CATSPERB: variants seen among roughly 807,000 people sequenced by gnomAD.
CATSPERB encodes catsper channel auxiliary subunit beta.
CATSPERB carries 93 observed loss-of-function variants against 128.3 expected under a neutral mutation model. The observed-to-expected ratio is 0.72, with a 90% CI of 0.61 to 0.86. CATSPERB has a LOEUF of 0.86. CATSPERB is among the 40% of genes least tolerant of loss of function. CATSPERB has a pLI of 0.00. For synonymous variants in CATSPERB, 381 were observed against 448.8 expected, an observed-to-expected ratio of 0.85 and a Z score of 1.91; for missense variants, 1,153 against 1,329.5, an observed-to-expected ratio of 0.87 and a Z score of 2.06.
chr14:91,641,250 A>T (rs1223247572), intron 15 of CATSPERB, among the ~76,000 whole-genome samples: 1 of 149,966 alleles, frequency 6.7e-6, no homozygotes, highest in Non-Finnish European at 1.5e-5. Context: ...ATTAGATCCC[A>T]TTTGTCAATT....
At chr14:91,650,278 C>G (rs1894681098) in intron 15 of CATSPERB, among the ~76,000 whole-genome samples, 1 of 147,248 alleles carries the variant, frequency 6.8e-6, no homozygotes. Context: ...TTTATTGCTG[C>G]TTAAAATGCT....
intron 5 of CATSPERB, among the ~76,000 whole-genome samples, chr14:91,716,695 A>G (rs1895945599): frequency 6.6e-6 from 1 of 151,146 alleles, no homozygotes; most frequent in Admixed American, 6.6e-5. Flanking sequence ...ACTTATATGC[A>G]TACATATTTA....
chr14:91,624,075 T>C lies in CATSPERB; in HGVS notation c.1930+745A>G, dbSNP rs568249752. On this transcript the variant is annotated intron_variant, in intron 18 of 26. Transcript: ENST00000256343. ...AGAAAAAAAAATCTTGGGCAGAGTG[T>C]GGTGGCTAATGCCTATAATCCCAGC... Among the ~76,000 whole-genome samples the C allele has an allele frequency of 3.3e-5, 5 of 152,272 alleles. No individual in the cohort carries two copies. In the South Asian group the frequency reaches 6.2e-4, roughly 19 times the overall value.
intron 7 of CATSPERB, among the ~76,000 whole-genome samples, chr14:91,697,146 C>G (rs1325025206): frequency 2.0e-5 from 3 of 152,054 alleles, no homozygotes; most frequent in Non-Finnish European, 2.9e-5. Context: ...TGAGACTGGT[C>G]AGTGAAATGT....
intron 18 of CATSPERB, among the ~76,000 whole-genome samples, chr14:91,624,071 A>T (rs1743140): frequency 2.0e-5 from 3 of 152,150 alleles, no homozygotes; most frequent in South Asian, 4.1e-4. Flanking sequence ...TCTTGGGCAG[A>T]GTGTGGTGGC....
In CATSPERB at chr14:91,728,799, C is replaced by T. The variant is rs189389623; in HGVS notation, c.79+602G>A. ...CACAAGTGTAACCACCAATGGAATG[C>T]CTGCTCTGACTACCATAAAAATCCA... On this transcript the variant is annotated intron_variant, in intron 2 of 26. Coordinates refer to ENST00000256343, the MANE Select transcript of CATSPERB (RefSeq NM_024764.4). Among the ~76,000 whole-genome samples the T allele has an allele frequency of 1.1e-3, 172 of 152,306 alleles. 1 individual carries two copies. Among genetic ancestry groups the T allele is most frequent in the Admixed American group, 2.2e-3 (34 of 15,306 alleles).
intron 14 of CATSPERB, among the ~76,000 whole-genome samples, chr14:91,662,684 C>T (rs1014315511): frequency 3.3e-5 from 5 of 152,190 alleles, no homozygotes; most frequent in African/African-American, 7.2e-5. Context: ...TATAAGAAAT[C>T]GTGTTGACCT....
intron 15 of CATSPERB, among the ~76,000 whole-genome samples, chr14:91,655,969 C>A (rs143017187): frequency 8.4e-4 from 128 of 152,200 alleles, no homozygotes; most frequent in African/African-American, 2.8e-3. Context: ...CAATAACATA[C>A]AAAGGAGCCC....
At chr14:91,583,612 G>A (rs915425789) in intron 26 of CATSPERB, among the ~76,000 whole-genome samples, 16 of 151,800 alleles carry the variant, frequency 1.1e-4, no homozygotes, top group African/African-American at 2.7e-4. Context: ...TCTAAAAAAC[G>A]TTAGACCTCA....
chr14:91,636,542 T>C lies in CATSPERB; in HGVS notation c.1625A>G (p.Gln542Arg), dbSNP rs1342973243. The C allele has an allele frequency of 1.4e-5, 23 of 1,613,904 alleles. No homozygotes were observed. The highest frequency in any genetic ancestry group is 1.7e-5 in the Non-Finnish European group (20 of 1,180,002). Residue 542 changes from glutamine to arginine, a missense_variant, in exon 17 of 27, where the codon CAG becomes CGG. Physicochemically the swap from Gln to Arg is conservative, Grantham distance 43. Transcript: ENST00000256343. ...GATAATTTCATCTAAGGAGGTGTGC[T>C]GTGGGGCAAGCGCAGTCTCAAAGCC... ...DMGFETALAPQHTSLDEIIFF... is the reference protein window; with the variant it reads ...DMGFETALAPRHTSLDEIIFF...
intron 15 of CATSPERB, among the ~76,000 whole-genome samples, chr14:91,657,788 C>T (rs113346112): frequency 1.3e-5 from 2 of 152,230 alleles, no homozygotes; most frequent in African/African-American, 2.4e-5. Context: ...CACTGACCAT[C>T]GGTGAAATAC....
intron 5 of CATSPERB, among the ~76,000 whole-genome samples, chr14:91,717,877 C>T (rs1895969031): frequency 6.6e-6 from 1 of 152,190 alleles, no homozygotes; most frequent in African/African-American, 2.4e-5. Flanking sequence ...TTACTATCTA[C>T]ATAAACCATC....
chr14:91,707,003 C>T (rs1895742763), intron 6 of CATSPERB, among the ~76,000 whole-genome samples: 1 of 152,152 alleles, frequency 6.6e-6, no homozygotes, highest in Non-Finnish European at 1.5e-5. Context: ...AAGAGTTATT[C>T]TCTACATAGC....
At chr14:91,620,494 T>A (rs140795641) in intron 19 of CATSPERB, among the ~76,000 whole-genome samples, 1 of 152,144 alleles carries the variant, frequency 6.6e-6, no homozygotes, top group African/African-American at 2.4e-5. Context: ...CCCTACTCCC[T>A]CCCTTCCATC....
intron 15 of CATSPERB, among the ~76,000 whole-genome samples, chr14:91,654,419 G>A (rs151070685): frequency 1.3e-5 from 2 of 152,350 alleles, no homozygotes; most frequent in East Asian, 3.9e-4. Flanking sequence ...TTCACCAGAA[G>A]CTGACTGAAG....
At chr14:91,638,676 C>T (rs766113396) in intron 16 of CATSPERB, among the ~76,000 whole-genome samples, 1 of 152,178 alleles carries the variant, frequency 6.6e-6, no homozygotes, top group Non-Finnish European at 1.5e-5. Flanking sequence ...CCCACCTCAG[C>T]CTCCCACAAT....
chr14:91,731,252 C>A (rs1004114663), intron 1 of CATSPERB, among the ~76,000 whole-genome samples: 1 of 152,164 alleles, frequency 6.6e-6, no homozygotes, highest in Non-Finnish European at 1.5e-5. Context: ...TATCTGCCAT[C>A]CTGCAAGCTC....
intron 13 of CATSPERB, among the ~76,000 whole-genome samples, chr14:91,670,856 T>C (rs1895077195): frequency 6.6e-6 from 1 of 151,708 alleles, no homozygotes; most frequent in East Asian, 1.9e-4. Flanking sequence ...ATACAAAAAT[T>C]AGCTGGCGTG....
chr14:91,616,690 C>A, intron 20 of CATSPERB, among the ~76,000 whole-genome samples: 1 of 146,714 alleles, frequency 6.8e-6, no homozygotes, highest in East Asian at 2.0e-4. Flanking sequence ...AATAATAAGC[C>A]TTTATTTCAA....
Sources: allele counts gnomAD v4.1 joint callset (sites outside exome capture counted in the v4.1 genomes callset), GRCh38; gene constraint gnomAD v4.1.1; transcripts MANE v1.5; gene names NCBI Gene and HGNC (gene_info 2026-07-23, HGNC 2026-07-21).